The following NRXN3 variants were observed in gnomAD, a reference collection of about 807,000 sequenced individuals.
The protein encoded by NRXN3 is neurexin III.
In NRXN3, 32 loss-of-function variants were observed where a neutral mutation model predicts 137.6. That is an observed-to-expected ratio of 0.23 (90% CI 0.18 to 0.31). The LOEUF (loss-of-function observed/expected upper bound fraction) is 0.31. NRXN3 is among the 10% of genes least tolerant of loss of function. NRXN3 has a pLI of 1.00. For missense variants in NRXN3, 1,574 were observed against 2,062.5 expected (o/e 0.76, Z 4.59); for synonymous variants, 798 against 784.5 (o/e 1.02, Z -0.29).
At chr14:79,558,106 G>C (rs1003697929) in intron 16 of NRXN3, among the ~76,000 whole-genome samples, 8 of 152,050 alleles carry the variant, frequency 5.3e-5, no homozygotes, top group African/African-American at 1.9e-4. Flanking sequence ...CATATCTTCA[G>C]GCTCTACTTC....
At chr14:79,464,618 G>A (rs929580304) in intron 15 of NRXN3, among the ~76,000 whole-genome samples, 6 of 152,150 alleles carry the variant, frequency 3.9e-5, no homozygotes, top group African/African-American at 9.7e-5. Flanking sequence ...TTTGGGGGCT[G>A]TGACTTTGTT....
rs1568714659 is a variant in NRXN3 at position 79,234,324 on chromosome 14, A to ATATAT, written c.3263-232896_3263-232892dup. Among the ~76,000 whole-genome samples, 222 of 114,650 alleles carry ATATAT rather than the reference A, an allele frequency of 1.9e-3. 2 individuals are homozygous for ATATAT. Among genetic ancestry groups the ATATAT allele is most frequent in the African/African-American group, 7.6e-3 (207 of 27,148 alleles). 75.2% of individuals were successfully genotyped at this position (114,650 alleles called of 152,430 possible). On this transcript the variant is annotated intron_variant, in intron 15 of 20. Coordinates refer to ENST00000335750, the MANE Select transcript of NRXN3 (RefSeq NM_001330195.2). ...TATATATATATATATATATATATAT[A>ATATAT]TATATATATATATATAATATTTATA...
chr14:78,617,281 G>A (rs2097356298), intron 4 of NRXN3, among the ~76,000 whole-genome samples: 1 of 152,210 alleles, frequency 6.6e-6, no homozygotes, highest in African/African-American at 2.4e-5. Flanking sequence ...TACCAAAAGA[G>A]AGGAGCTCAC....
chr14:79,587,725 T>C (rs1282406614), intron 16 of NRXN3, among the ~76,000 whole-genome samples: 1 of 152,216 alleles, frequency 6.6e-6, no homozygotes, highest in Non-Finnish European at 1.5e-5. Context: ...TCAATACTTA[T>C]GTACATGCAA....
intron 15 of NRXN3, among the ~76,000 whole-genome samples, chr14:78,994,351 TG>T (rs2099525452): frequency 6.6e-6 from 1 of 152,198 alleles, no homozygotes; most frequent in Non-Finnish European, 1.5e-5. Context: ...TGCCCTGCTT[TG>T]TTTGGTTTAA....
At chr14:79,547,140 C>G (rs756347631) in intron 16 of NRXN3, among the ~76,000 whole-genome samples, 9 of 152,074 alleles carry the variant, frequency 5.9e-5, no homozygotes, top group Non-Finnish European at 1.0e-4. Flanking sequence ...CCACTTCCCC[C>G]TCTACACTCA....
chr14:78,432,224 C>G (rs1168703504), intron 4 of NRXN3, among the ~76,000 whole-genome samples: 1 of 152,054 alleles, frequency 6.6e-6, no homozygotes, highest in East Asian at 1.9e-4. Flanking sequence ...GATGGGAATT[C>G]TAGCAGCTCA....
chr14:79,272,769 A>G (rs2079550857), intron 15 of NRXN3, among the ~76,000 whole-genome samples: 1 of 152,188 alleles, frequency 6.6e-6, no homozygotes, highest in South Asian at 2.1e-4. Context: ...CTTGGAGGAC[A>G]TTTATAAGAA....
chr14:78,256,615 A>G (rs888554609), intron 2 of NRXN3, among the ~76,000 whole-genome samples: 4 of 152,240 alleles, frequency 2.6e-5, no homozygotes, highest in Admixed American at 6.5e-5. Context: ...CAAATAGGGC[A>G]CAGGCCAAGA....
chr14:79,069,073 T>G (rs1333433293), intron 15 of NRXN3, among the ~76,000 whole-genome samples: 1 of 152,082 alleles, frequency 6.6e-6, no homozygotes, highest in African/African-American at 2.4e-5. Flanking sequence ...AATAGAAGCA[T>G]ACACTGAATT....
chr14:79,088,606 A>G (rs2048580439), intron 15 of NRXN3, among the ~76,000 whole-genome samples: 1 of 152,118 alleles, frequency 6.6e-6, no homozygotes, highest in African/African-American at 2.4e-5. Context: ...ACAGTTCCTC[A>G]GATGTAGTAC....
chr14:79,861,372 G>A lies in NRXN3; in HGVS notation c.4124G>A (p.Gly1375Asp). ...DKSLSTSIFE[G>D]GYKAHAPKWE... ...AGTCTTTCCACTTCAATCTTCGAAG[G>A]TGGCTACAAAGCACATGCGCCCAAG... Residue 1375 changes from glycine (G) to aspartate (D), a missense_variant, in exon 21 of 21, where the codon GGT becomes GAT. By Grantham distance (94) the Gly-to-Asp change is moderately conservative. Transcript: ENST00000335750. The surrounding 1 kb of genome is among the most constrained non-coding windows in gnomAD (Gnocchi z 5.4). 1 of 1,536,100 alleles carries A rather than the reference G, an allele frequency of 6.5e-7. No homozygotes were observed. The highest frequency in any genetic ancestry group is 8.7e-7 in the Non-Finnish European group (1 of 1,146,918).
intron 15 of NRXN3, among the ~76,000 whole-genome samples, chr14:79,429,524 AGT>A (rs2095711483): frequency 6.6e-6 from 1 of 152,236 alleles, no homozygotes; most frequent in Admixed American, 6.5e-5. Flanking sequence ...TGTCTAGCAT[AGT>A]GCCTGGCACA....
intron 15 of NRXN3, among the ~76,000 whole-genome samples, chr14:79,463,486 G>A (rs1365414002): frequency 6.6e-6 from 1 of 150,938 alleles, no homozygotes; most frequent in African/African-American, 2.4e-5. Flanking sequence ...AAAAAAAAAA[G>A]AGTCATCCTT....
intron 4 of NRXN3, among the ~76,000 whole-genome samples, chr14:78,378,484 C>CAA (rs3037810): frequency 1.6e-3 from 198 of 126,862 alleles, no homozygotes; most frequent in Middle Eastern, 8.2e-3. Flanking sequence ...GATTCTGTCT[C>CAA]AAAAAAAAAA....
intron 15 of NRXN3, among the ~76,000 whole-genome samples, chr14:79,182,937 G>C (rs762075192): frequency 6.6e-6 from 1 of 151,780 alleles, no homozygotes; most frequent in Non-Finnish European, 1.5e-5. Flanking sequence ...TTTTAAAATG[G>C]GAAGTGACTT....
rs1597415294 is a variant in NRXN3 at position 78,922,933 on chromosome 14, A to T, written c.2276-34309A>T. Among the ~76,000 whole-genome samples the T allele has an allele frequency of 3.3e-5, 5 of 152,342 alleles. No homozygotes were observed. In the East Asian group the frequency reaches 9.6e-4, roughly 29 times the overall value. ...ATGGAAGTTTTGCAGACATTGTCAC[A>T]GCAGCATTTTTTCCCGTGGGTTTCC... On this transcript the variant is annotated intron_variant, in intron 10 of 20. Coordinates refer to ENST00000335750, the MANE Select transcript of NRXN3 (RefSeq NM_001330195.2).
intron 15 of NRXN3, among the ~76,000 whole-genome samples, chr14:79,360,384 C>G (rs934284997): frequency 6.6e-6 from 1 of 152,184 alleles, no homozygotes; most frequent in African/African-American, 2.4e-5. Context: ...GGATTACAGG[C>G]GTGAGCCACT....
chr14:79,376,251 TATATATATATATATAC>T (rs1256956591), intron 15 of NRXN3, among the ~76,000 whole-genome samples: 948 of 65,938 alleles, frequency 0.014, 18 homozygotes, highest in South Asian at 0.028. Flanking sequence ...TATATATATA[TATATATATATATATAC>T]ACATACATAT....
Sources: allele counts gnomAD v4.1 joint callset (sites outside exome capture counted in the v4.1 genomes callset), GRCh38; gene constraint gnomAD v4.1.1; non-coding constraint Gnocchi (gnomAD v3.1); transcripts MANE v1.5; gene names NCBI Gene and HGNC (gene_info 2026-07-23, HGNC 2026-07-21).